FAM168A: variants seen among roughly 807,000 people sequenced by gnomAD.
The protein encoded by FAM168A is family with sequence similarity 168 member A.
Under a neutral mutation model 28.5 loss-of-function variants are expected in FAM168A, and 3 were observed. That is an observed-to-expected ratio of 0.11 (90% CI 0.05 to 0.27). FAM168A has a LOEUF of 0.27. Among genes scored for constraint, FAM168A ranks in the 10% least tolerant of loss-of-function variants. The pLI, the probability that FAM168A is intolerant of heterozygous loss-of-function variation, is 1.00. For missense variants in FAM168A, 222 were observed against 311.5 expected, an observed-to-expected ratio of 0.71 and a Z score of 2.16; for synonymous variants, 122 against 124.2, an observed-to-expected ratio of 0.98 and a Z score of 0.12.
chr11:73,445,425 T>C (rs1242681341), intron 2 of FAM168A, among the ~76,000 whole-genome samples: 36 of 85,738 alleles, frequency 4.2e-4, no homozygotes, highest in African/African-American at 2.0e-3. Context: ...GTCTCTTTTT[T>C]TTTTTTTTTT....
chr11:73,596,240 A>G (rs1354063450), intron 1 of FAM168A, among the ~76,000 whole-genome samples: 2 of 152,216 alleles, frequency 1.3e-5, no homozygotes, highest in Non-Finnish European at 2.9e-5. Context: ...AAGCTCATCA[A>G]ATCTATTTAA....
At chr11:73,523,347 GAGAC>G (rs1284478890) in intron 1 of FAM168A, among the ~76,000 whole-genome samples, 2 of 151,994 alleles carry the variant, frequency 1.3e-5, no homozygotes, top group African/African-American at 2.4e-5. Context: ...TATTTTTTAA[GAGAC>G]AGGGTCCTGC....
intron 2 of FAM168A, among the ~76,000 whole-genome samples, chr11:73,451,013 G>A (rs1009453669): frequency 2.0e-5 from 3 of 152,204 alleles, no homozygotes; most frequent in Non-Finnish European, 4.4e-5. Flanking sequence ...ATGAATAGGT[G>A]CAAGGATGGA....
Position 73,411,374 on chromosome 11 carries a change from T to C in FAM168A, c.420+20A>G, listed in dbSNP as rs747448032. 1 of 1,561,634 alleles carries C rather than the reference T, an allele frequency of 6.4e-7. No homozygotes were observed. The highest frequency in any genetic ancestry group is 8.7e-7 in the Non-Finnish European group (1 of 1,151,448). On this transcript the variant is annotated intron_variant, in intron 5 of 7. Coordinates refer to ENST00000356467, the MANE Select transcript of FAM168A (RefSeq NM_015159.3). Reference sequence around the variant, plus strand: ...AAGGCTCCTCTACCTGCAGAAGAGGTGGCTTTGACATGTACCTACCTGGGC... The same window carrying C: ...AAGGCTCCTCTACCTGCAGAAGAGGCGGCTTTGACATGTACCTACCTGGGC...
At chr11:73,484,680 C>T (rs568127254) in intron 1 of FAM168A, among the ~76,000 whole-genome samples, 1 of 131,184 alleles carries the variant, frequency 7.6e-6, no homozygotes, top group Non-Finnish European at 1.6e-5. Flanking sequence ...AGATATGTAT[C>T]GCTATAGATA....
At chr11:73,408,401 C>T (rs1238129493) in intron 6 of FAM168A, among the ~76,000 whole-genome samples, 1 of 152,188 alleles carries the variant, frequency 6.6e-6, no homozygotes, top group Non-Finnish European at 1.5e-5. Flanking sequence ...CATACCCTTA[C>T]GTTAGGGACA....
rs1855166730 is a variant in FAM168A at position 73,508,904 on chromosome 11, TTA to T, written c.-18-40414_-18-40413del. ...CCAGTATGTGTGTAGTCACTGATCA[TTA>T]TGTTTTATTGCATTAAAACATAATG... On this transcript the variant is annotated intron_variant, in intron 1 of 7. Coordinates refer to ENST00000356467, the MANE Select transcript of FAM168A (RefSeq NM_015159.3). Among the ~76,000 whole-genome samples, 5 of 152,346 alleles carry T rather than the reference TTA, an allele frequency of 3.3e-5. No homozygotes were observed. The South Asian group carries it at 1.0e-3, about 32-fold the overall frequency.
chr11:73,545,325 C>T (rs968990957), intron 1 of FAM168A, among the ~76,000 whole-genome samples: 1 of 151,250 alleles, frequency 6.6e-6, no homozygotes, highest in South Asian at 2.1e-4. Context: ...CACACCCAGC[C>T]GAACCTTGAA....
chr11:73,443,372 T>G (rs1305379904), intron 2 of FAM168A, among the ~76,000 whole-genome samples: 1 of 152,122 alleles, frequency 6.6e-6, no homozygotes, highest in Non-Finnish European at 1.5e-5. Flanking sequence ...CTCCGTGAAC[T>G]CACCATCTAA....
chr11:73,452,533 T>TGGGGTGAG (rs1867450082), intron 2 of FAM168A, among the ~76,000 whole-genome samples: 1 of 152,056 alleles, frequency 6.6e-6, no homozygotes, highest in Non-Finnish European at 1.5e-5. Context: ...AAGGAGAGTC[T>TGGGGTGAG]GGGGTGAGGG....
At chr11:73,580,653 T>A (rs1264072465) in intron 1 of FAM168A, 10 of 385,724 alleles carry the variant, frequency 2.6e-5, no homozygotes, top group African/African-American at 2.1e-5. Flanking sequence ...ACACAGAACA[T>A]GTCCTTGTTG....
Position 73,548,229 on chromosome 11 carries a change from T to C in FAM168A, c.-19+49694A>G, listed in dbSNP as rs151138044. Reference sequence around the variant, plus strand: ...AAAATGGTTAAGACAGTAAATTTTATGTTTTTCATCACAATTTATAAATAA... The same window carrying C: ...AAAATGGTTAAGACAGTAAATTTTACGTTTTTCATCACAATTTATAAATAA... On this transcript the variant is annotated intron_variant, in intron 1 of 7. Coordinates refer to ENST00000356467, the MANE Select transcript of FAM168A (RefSeq NM_015159.3). Among the ~76,000 whole-genome samples, 729 of 152,298 alleles carry C rather than the reference T, an allele frequency of 4.8e-3. 4 individuals carry two copies. Among genetic ancestry groups the C allele is most frequent in the African/African-American group, 0.017 (692 of 41,552 alleles).
intron 1 of FAM168A, among the ~76,000 whole-genome samples, chr11:73,584,658 T>C (rs1944289680): frequency 6.6e-6 from 1 of 151,860 alleles, no homozygotes; most frequent in Admixed American, 6.6e-5. Flanking sequence ...TTTGTATTTT[T>C]AGTAGAGACA....
chr11:73,554,114 A>G (rs1458261704), intron 1 of FAM168A, among the ~76,000 whole-genome samples: 1 of 151,352 alleles, frequency 6.6e-6, no homozygotes, highest in African/African-American at 2.4e-5. Flanking sequence ...AGTGGCTCAC[A>G]CCTGTAATCC....
intron 2 of FAM168A, among the ~76,000 whole-genome samples, chr11:73,459,144 C>T (rs1402845036): frequency 2.0e-5 from 3 of 151,054 alleles, no homozygotes; most frequent in African/African-American, 4.9e-5. Flanking sequence ...AGTGCAGTGG[C>T]GTAATCATGG....
At chr11:73,485,348 T>C (rs1049778055) in intron 1 of FAM168A, among the ~76,000 whole-genome samples, 5 of 152,214 alleles carry the variant, frequency 3.3e-5, no homozygotes, top group African/African-American at 1.2e-4. Flanking sequence ...ATCAGGTTTA[T>C]TGTGGCATCC....
At chr11:73,520,196 C>T (rs771241397) in intron 1 of FAM168A, among the ~76,000 whole-genome samples, 2 of 151,894 alleles carry the variant, frequency 1.3e-5, no homozygotes, top group Non-Finnish European at 2.9e-5. Flanking sequence ...CAGGCGTGCA[C>T]CACCATGCCC....
chr11:73,467,176 T>A (rs529928009), intron 2 of FAM168A, among the ~76,000 whole-genome samples: 1 of 152,156 alleles, frequency 6.6e-6, no homozygotes, highest in South Asian at 2.1e-4. Flanking sequence ...AGGCTCATAA[T>A]ATTCCTTGGT....
intron 1 of FAM168A, among the ~76,000 whole-genome samples, chr11:73,547,085 GAA>G (rs953416694): frequency 1.1e-4 from 6 of 53,534 alleles, no homozygotes; most frequent in African/African-American, 1.8e-4. Context: ...AGAAGTTCAA[GAA>G]AAAAAAAAAA....
Sources: gnomAD v4.1 joint callset for allele counts (sites outside exome capture counted in the v4.1 genomes callset) on GRCh38, gnomAD v4.1.1 for gene constraint, MANE v1.5 for transcripts, NCBI Gene and HGNC (gene_info 2026-07-23, HGNC 2026-07-21) for gene names.